MANBA: variants seen among roughly 807,000 people sequenced by gnomAD.
MANBA encodes the protein beta-mannosidase.
In MANBA, 83 loss-of-function variants were observed where a neutral mutation model predicts 111.1. The observed-to-expected ratio is 0.75, with a 90% CI of 0.63 to 0.90. MANBA has a LOEUF of 0.90. Among genes scored for constraint, MANBA ranks in the 40% least tolerant of loss-of-function variants. MANBA has a pLI of 0.00. For missense variants in MANBA, 1,036 were observed against 1,069.0 expected, an observed-to-expected ratio of 0.97 and a Z score of 0.43; for synonymous variants, 370 against 378.7, an observed-to-expected ratio of 0.98 and a Z score of 0.27.
chr4:102,727,145 C>T, intron 1 of MANBA: 1 of 305,192 alleles, frequency 3.3e-6, no homozygotes, highest in Non-Finnish European at 6.3e-6. Flanking sequence ...ACTGTCACGG[C>T]TGAAGTTACA....
intron 1 of MANBA, among the ~76,000 whole-genome samples, chr4:102,747,187 T>G (rs223493): frequency 0.29 from 43,203 of 148,908 alleles, 6,581 homozygotes; most frequent in African/African-American, 0.4. Context: ...GGGAGTTTAC[T>G]AAGGAGTATT....
chr4:102,690,754 A>T lies in MANBA; in HGVS notation c.691T>A (p.Trp231Arg). ...AATGTAGACTCTATTTCCAGATTCC[A>T]CTCCTGGGCACTCTTATCTAAAATA... The part of the protein sequence containing the change: ...SPIYDKSAQE[W>R]NLEIESTFDV... Residue 231 changes from tryptophan to arginine, a missense_variant, in exon 6 of 17, where the codon TGG (tryptophan) becomes AGG (arginine). Transcript: ENST00000647097. The T allele has an allele frequency of 2.4e-5, 36 of 1,531,090 alleles. No individual in the cohort carries two copies. The highest frequency in any genetic ancestry group is 3.1e-5 in the Non-Finnish European group (35 of 1,128,170). The allele number at this position is 1,531,090 out of a possible 1,614,324, so 94.8% of individuals were successfully genotyped here.
intron 1 of MANBA, among the ~76,000 whole-genome samples, chr4:102,737,608 G>T (rs1723263199): frequency 6.6e-6 from 1 of 152,180 alleles, no homozygotes; most frequent in South Asian, 2.1e-4. Flanking sequence ...TCAGCCTCCT[G>T]AGTAGCTGGG....
At chr4:102,689,127 T>C (rs1478304338) in intron 7 of MANBA, among the ~76,000 whole-genome samples, 1 of 152,072 alleles carries the variant, frequency 6.6e-6, no homozygotes, top group Non-Finnish European at 1.5e-5. Context: ...AGGCAGTAGA[T>C]CACTTGATAT....
chr4:102,633,672 C>T (rs1306522802), intron 16 of MANBA, among the ~76,000 whole-genome samples: 8 of 152,122 alleles, frequency 5.3e-5, no homozygotes, highest in African/African-American at 1.9e-4. Flanking sequence ...TCTCCCACCC[C>T]AATTACCCAC....
chr4:102,658,266 T>C (rs1179679593), intron 11 of MANBA, among the ~76,000 whole-genome samples: 1 of 152,002 alleles, frequency 6.6e-6, no homozygotes, highest in Non-Finnish European at 1.5e-5. Flanking sequence ...TTGGCTGGGG[T>C]TGGGGGTGTC....
rs374840008 is a variant in MANBA at position 102,639,688 on chromosome 4, G to A, written c.2014+25C>T. The A allele has an allele frequency of 1.2e-5, 20 of 1,613,652 alleles. No homozygotes were observed. Among genetic ancestry groups the A allele is most frequent in the South Asian group, 2.2e-5 (2 of 91,076 alleles). On this transcript the variant is annotated intron_variant, in intron 14 of 16. Transcript: ENST00000647097. The stretch of plus-strand genomic sequence containing the variant: ...CCCACAGTGTTGCTTTCTCTCACTC[G>A]CACAAAGAACGCTGAAATGCTTACC...
intron 1 of MANBA, among the ~76,000 whole-genome samples, chr4:102,736,700 G>A (rs998397034): frequency 3.3e-5 from 5 of 152,176 alleles, no homozygotes; most frequent in African/African-American, 4.8e-5. Context: ...GAGATAAAAC[G>A]GCAGATAGGA....
At chr4:102,633,063 G>A (rs1337697680) in intron 16 of MANBA, among the ~76,000 whole-genome samples, 2 of 152,030 alleles carry the variant, frequency 1.3e-5, no homozygotes, top group African/African-American at 4.8e-5. Context: ...AATTTCAAAG[G>A]GCCATTTTCA....
intron 13 of MANBA, among the ~76,000 whole-genome samples, chr4:102,641,935 G>A (rs1356099740): frequency 6.6e-6 from 1 of 151,266 alleles, no homozygotes; most frequent in African/African-American, 2.4e-5. Flanking sequence ...GCATGAAAGA[G>A]CATAACCAAG....
intron 5 of MANBA, among the ~76,000 whole-genome samples, chr4:102,705,219 C>T (rs1326198593): frequency 6.6e-6 from 1 of 152,150 alleles, no homozygotes; most frequent in Non-Finnish European, 1.5e-5. Context: ...ATTATGGACT[C>T]CTGCAATCCT....
chr4:102,661,446 A>G (rs17033104), intron 11 of MANBA, among the ~76,000 whole-genome samples: 2,458 of 152,308 alleles, frequency 0.016, 65 homozygotes, highest in African/African-American at 0.054. Flanking sequence ...CTTGGCAATA[A>G]GTACTCAGTA....
At chr4:102,656,157 G>A (rs945244757) in intron 12 of MANBA, among the ~76,000 whole-genome samples, 3 of 152,106 alleles carry the variant, frequency 2.0e-5, no homozygotes, top group Non-Finnish European at 4.4e-5. Flanking sequence ...GGGATGCTGA[G>A]GCAGGAGGAT....
chr4:102,739,346 T>C (rs1033264066), intron 1 of MANBA, among the ~76,000 whole-genome samples: 26 of 152,264 alleles, frequency 1.7e-4, no homozygotes, highest in Non-Finnish European at 3.2e-4. Context: ...CAGGACCAGA[T>C]GGATTCACAG....
At chr4:102,721,237 T>C (rs904763319) in intron 4 of MANBA, among the ~76,000 whole-genome samples, 2 of 152,146 alleles carry the variant, frequency 1.3e-5, no homozygotes, top group South Asian at 2.1e-4. Context: ...GGCAAGAGAA[T>C]TGTTTTAACA....
intron 1 of MANBA, chr4:102,728,369 C>A (rs1482831322): frequency 7.6e-6 from 4 of 524,946 alleles, no homozygotes; most frequent in Non-Finnish European, 1.5e-5. Context: ...TTTGCCTACA[C>A]TTTGAATCTT....
chr4:102,682,581 C>T (rs374229766), intron 7 of MANBA: 27 of 152,292 alleles, frequency 1.8e-4, no homozygotes, highest in African/African-American at 6.3e-4. Context: ...AATTCATGTC[C>T]ACCCAAAAAT....
chr4:102,665,637 C>T (rs934318624), intron 10 of MANBA: 2 of 152,246 alleles, frequency 1.3e-5, no homozygotes, highest in African/African-American at 4.8e-5. Flanking sequence ...ACAAAAGGAT[C>T]CACTTGTGTT....
chr4:102,670,630 G>A (rs1444797761), intron 9 of MANBA, among the ~76,000 whole-genome samples: 1 of 152,118 alleles, frequency 6.6e-6, no homozygotes, highest in Admixed American at 6.5e-5. Flanking sequence ...GATCACCTGA[G>A]GTCAGGAGTT....
Sources: gnomAD v4.1 joint callset for allele counts (sites outside exome capture counted in the v4.1 genomes callset) on GRCh38, gnomAD v4.1.1 for gene constraint, MANE v1.5 for transcripts, NCBI Gene and HGNC (gene_info 2026-07-23, HGNC 2026-07-21) for gene names.